The following PTPRF variants were observed in gnomAD, a reference collection of about 807,000 sequenced individuals.
The protein encoded by PTPRF is protein tyrosine phosphatase receptor type F, also known as receptor-type tyrosine-protein phosphatase F.
PTPRF carries 59 observed loss-of-function variants against 201.8 expected under a neutral mutation model. That is an observed-to-expected ratio of 0.29 (90% CI 0.24 to 0.36). The LOEUF is 0.36. Ranked by LOEUF, PTPRF falls within the 10% of genes least tolerant of loss-of-function variation. PTPRF has a pLI of 1.00. For synonymous variants in PTPRF, 1,088 were observed against 1,089.7 expected (o/e 1.00, Z 0.03); for missense variants, 2,132 against 2,690.5 (o/e 0.79, Z 4.59).
At chr1:43,556,496 G>A (rs1037968096) in intron 5 of PTPRF, among the ~76,000 whole-genome samples, 2 of 152,018 alleles carry the variant, frequency 1.3e-5, no homozygotes, top group Non-Finnish European at 2.9e-5. Flanking sequence ...TCCTGACCTC[G>A]CCCGCCTTGG....
chr1:43,576,728 G>A (rs761365440), intron 6 of PTPRF, among the ~76,000 whole-genome samples: 1 of 152,228 alleles, frequency 6.6e-6, no homozygotes, highest in African/African-American at 2.4e-5. Context: ...AGAATTAGAG[G>A]AGAGGAGGAT....
chr1:43,584,427 T>G (rs1229761401), intron 7 of PTPRF, among the ~76,000 whole-genome samples: 1 of 152,158 alleles, frequency 6.6e-6, no homozygotes, highest in African/African-American at 2.4e-5. Flanking sequence ...GTTACACCAT[T>G]TTGCTGACCG....
At chr1:43,620,021 G>A (rs1224827015) in intron 29 of PTPRF, 74 bp from the exon 30 acceptor site, 1 of 1,598,586 alleles carries the variant, frequency 6.3e-7, no homozygotes, top group African/African-American at 1.3e-5. Flanking sequence ...AGGGCCCCAA[G>A]GGGCTAGGCA....
chr1:43,575,744 C>T (rs1248547658), intron 6 of PTPRF, among the ~76,000 whole-genome samples: 2 of 152,148 alleles, frequency 1.3e-5, no homozygotes, highest in African/African-American at 4.8e-5. Context: ...GCTCTGCCTG[C>T]TTGCTCACAC....
Position 43,604,100 on chromosome 1 carries a change from CTT to C in PTPRF, c.2949_2950del (p.Tyr984ArgfsTer55). 2 of 1,614,252 alleles carry C rather than the reference CTT, an allele frequency of 1.2e-6. No homozygotes were observed. Among genetic ancestry groups the C allele is most frequent in the Non-Finnish European group, 1.7e-6 (2 of 1,180,062 alleles). ...CTTACTGGCCTCAAGCCAGACACCACTTACGACATCAAGGTCCGCGCATGGAC... is the reference window on the plus strand; with the variant it reads ...CTTACTGGCCTCAAGCCAGACACCACACGACATCAAGGTCCGCGCATGGAC... On this transcript the variant is annotated frameshift_variant, in exon 16 of 34. Transcript: ENST00000359947. LOFTEE classifies it high-confidence loss of function.
intron 23 of PTPRF, among the ~76,000 whole-genome samples, chr1:43,616,248 A>G (rs1369028704): frequency 1.3e-5 from 2 of 150,500 alleles, no homozygotes; most frequent in African/African-American, 4.9e-5. Flanking sequence ...CCTATCTCGT[A>G]TGAGAATTTG....
At chr1:43,525,443 A>G (rs968533681), upstream of PTPRF, among the ~76,000 whole-genome samples, 3 of 152,290 alleles carry the variant, frequency 2.0e-5, no homozygotes, top group Admixed American at 1.3e-4. Context: ...TGAGGAGTAC[A>G]CTAAGCTGGA....
intron 1 of PTPRF, among the ~76,000 whole-genome samples, chr1:43,532,167 ACT>A (rs1199615169): frequency 1.3e-5 from 2 of 149,002 alleles, no homozygotes; most frequent in Non-Finnish European, 3.0e-5. Context: ...GTGTCTCTGC[ACT>A]CTCTGTGCTA....
intron 7 of PTPRF, among the ~76,000 whole-genome samples, chr1:43,586,673 G>C (rs1649238231): frequency 6.6e-6 from 1 of 152,096 alleles, no homozygotes; most frequent in South Asian, 2.1e-4. Context: ...TGCTGGGCAG[G>C]GCTAGATCCA....
At chr1:43,582,851 T>C (rs1432788429) in intron 7 of PTPRF, among the ~76,000 whole-genome samples, 1 of 152,218 alleles carries the variant, frequency 6.6e-6, no homozygotes, top group Non-Finnish European at 1.5e-5. Context: ...GCCTCAGCCC[T>C]GTCCACCATG....
At chr1:43,598,449 C>CCCACCTCCACCGGCA (rs1652924105) in intron 12 of PTPRF, 1 of 508,626 alleles carries the variant, frequency 2.0e-6, no homozygotes, top group Non-Finnish European at 3.5e-6. Context: ...GACCTGGTGC[C>CCCACCTCCACCGGCA]CCACCTCCAC....
chr1:43,574,230 G>T (rs922348627), intron 6 of PTPRF, among the ~76,000 whole-genome samples: 1 of 151,586 alleles, frequency 6.6e-6, no homozygotes, highest in Non-Finnish European at 1.5e-5. Context: ...TCCGAACCTC[G>T]GGTGATCCGC....
At chr1:43,565,347 G>C (rs974694231) in intron 5 of PTPRF, among the ~76,000 whole-genome samples, 3 of 152,218 alleles carry the variant, frequency 2.0e-5, no homozygotes, top group African/African-American at 7.2e-5. Flanking sequence ...CCACGGAAGG[G>C]GACAGGTCTC....
rs1654225299 is a variant in PTPRF, at chr1:43,603,273, C to T, written c.2341-143C>T. The T allele has an allele frequency of 1.4e-6, 1 of 715,772 alleles. No individual in the cohort carries two copies. The highest frequency in any genetic ancestry group is 2.4e-6 in the Non-Finnish European group (1 of 416,250). The allele number at this position is 715,772 out of a possible 1,614,324, so 44.3% of individuals were successfully genotyped here. On this transcript the variant is annotated intron_variant, in intron 14 of 33. Transcript: ENST00000359947. This position sits in a 1 kb window ranked among gnomAD's most constrained non-coding sequence, Gnocchi z 5.8. ...TGCCTGCTTCCTCTCCAGCAGAGGC[C>T]ACCATTGTATAGCCCCACCTTCCAC...
Position 43,591,030 on chromosome 1 carries a change from C to A in PTPRF, c.1008C>A (p.Thr336=), listed in dbSNP as rs1169372827. 1 of 1,614,000 alleles carries A rather than the reference C, an allele frequency of 6.2e-7. No homozygotes were observed. Among genetic ancestry groups the A allele is most frequent in the South Asian group, 1.1e-5 (1 of 91,082 alleles). The stretch of plus-strand genomic sequence containing the variant: ...CAGAGACAACTGCCACCAGTGTCAC[C>A]CTCACCTGGGACTCTGGGAACTCGG... ...VVTETTATSV[T]LTWDSGNSEP... The change falls in exon 9 of 34, where the codon ACC becomes ACA. Residue 336 remains threonine (T), a synonymous_variant. Coordinates refer to ENST00000359947, the MANE Select transcript of PTPRF (RefSeq NM_002840.5).
In PTPRF at chr1:43,603,270, G is replaced by T; in HGVS notation, c.2341-146G>T. ...ACCTGCCTGCTTCCTCTCCAGCAGA[G>T]GCCACCATTGTATAGCCCCACCTTC... On this transcript the variant is annotated intron_variant, in intron 14 of 33. Transcript: ENST00000359947. The surrounding 1 kb of genome is among the most constrained non-coding windows in gnomAD (Gnocchi z 5.8). The T allele has an allele frequency of 2.8e-6, 2 of 702,700 alleles. No individual in the cohort carries two copies. Among genetic ancestry groups the T allele is most frequent in the South Asian group, 3.4e-5 (2 of 58,078 alleles). The allele number at this position is 702,700 out of a possible 1,614,324, so 43.5% of individuals were successfully genotyped here.
At chr1:43,580,550 T>G (rs1647322606) in intron 7 of PTPRF, among the ~76,000 whole-genome samples, 1 of 152,214 alleles carries the variant, frequency 6.6e-6, no homozygotes, top group Non-Finnish European at 1.5e-5. Context: ...TTGTCTGTCT[T>G]CAGGAACAAG....
intron 1 of PTPRF, among the ~76,000 whole-genome samples, chr1:43,534,372 AG>A (rs1643879265): frequency 6.6e-6 from 1 of 152,234 alleles, no homozygotes; most frequent in African/African-American, 2.4e-5. Context: ...GGATGGAGAC[AG>A]GATGCCCAGT....
At chr1:43,613,389 AC>A (rs1387227214) in intron 22 of PTPRF, 1 of 505,598 alleles carries the variant, frequency 2.0e-6, no homozygotes. Context: ...CCCACTCAGC[AC>A]CCCGCCACCA....
Sources: gnomAD v4.1 joint callset for allele counts (sites outside exome capture counted in the v4.1 genomes callset) on GRCh38, gnomAD v4.1.1 for gene constraint, Gnocchi (gnomAD v3.1) non-coding constraint, MANE v1.5 for transcripts, NCBI Gene and HGNC (gene_info 2026-07-23, HGNC 2026-07-21) for gene names.